Variants in SHROOM3 observed in about 807,000 individuals in gnomAD.
SHROOM3 encodes protein Shroom3.
Under a neutral mutation model 138.6 loss-of-function variants are expected in SHROOM3, and 47 were observed. The observed-to-expected ratio is 0.34, with a 90% CI of 0.27 to 0.43. The LOEUF is 0.43. Among genes scored for constraint, SHROOM3 ranks in the 20% least tolerant of loss-of-function variants. The pLI, the probability that SHROOM3 is intolerant of heterozygous loss-of-function variation, is 1.00. For missense variants in SHROOM3, 2,491 were observed against 2,596.5 expected (o/e 0.96, Z 0.88); for synonymous variants, 1,062 against 1,063.3 (o/e 1.00, Z 0.02).
intron 2 of SHROOM3, among the ~76,000 whole-genome samples, chr4:76,562,246 A>G (rs1436658610): frequency 1.3e-5 from 2 of 152,078 alleles, no homozygotes; most frequent in African/African-American, 4.8e-5. Context: ...CCTAACAAAA[A>G]TGGTGATGAA....
chr4:76,482,099 C>T (rs1365649469), intron 1 of SHROOM3, among the ~76,000 whole-genome samples: 3 of 152,140 alleles, frequency 2.0e-5, no homozygotes, highest in Non-Finnish European at 4.4e-5. Flanking sequence ...TGGCATAAGA[C>T]AAGGATACCC....
At chr4:76,590,732 T>G (rs73828174) in intron 2 of SHROOM3, among the ~76,000 whole-genome samples, 5,739 of 152,074 alleles carry the variant, frequency 0.038, 350 homozygotes, top group African/African-American at 0.13. Context: ...AAGTCTTTCT[T>G]TGGAAAAGAA....
intron 2 of SHROOM3, among the ~76,000 whole-genome samples, chr4:76,652,666 C>T (rs1276960069): frequency 6.6e-6 from 1 of 151,840 alleles, no homozygotes; most frequent in Non-Finnish European, 1.5e-5. Context: ...CCTTATGATC[C>T]CAGGGAGACC....
At chr4:76,467,006 T>A (rs1458072119) in intron 1 of SHROOM3, among the ~76,000 whole-genome samples, 2 of 151,708 alleles carry the variant, frequency 1.3e-5, no homozygotes, top group East Asian at 1.9e-4. Context: ...TGGATGCTTT[T>A]TATATATATT....
At position 76,779,325 on chromosome 4, in the gene SHROOM3, G is replaced by A. The variant is rs1030546901; in HGVS notation, c.*148G>A. The A allele has an allele frequency of 3.6e-5, 39 of 1,085,036 alleles. No homozygotes were observed. The African/African-American group carries it at 5.7e-4, about 16-fold the overall frequency. 67.2% of individuals were successfully genotyped at this position (1,085,036 alleles called of 1,614,324 possible). ...GGAAAAAAATTCTCTCCAGGAGGAA[G>A]CCTTTTTCCTTCTTGCCCTTCCTGA... On this transcript the variant is annotated 3_prime_UTR_variant, in exon 11 of 11. Transcript: ENST00000296043.
At chr4:76,437,683 T>G (rs1310812837) in intron 1 of SHROOM3, among the ~76,000 whole-genome samples, 1 of 152,216 alleles carries the variant, frequency 6.6e-6, no homozygotes, top group African/African-American at 2.4e-5. Context: ...CACAGGTTTC[T>G]ACAATAAGGA....
At chr4:76,575,777 G>T (rs1272781625) in intron 2 of SHROOM3, among the ~76,000 whole-genome samples, 1 of 152,030 alleles carries the variant, frequency 6.6e-6, no homozygotes, top group Non-Finnish European at 1.5e-5. Context: ...CTGATGAAAG[G>T]AGTTGAAGAA....
In SHROOM3 at chr4:76,754,604, G is replaced by A; in HGVS notation, c.4121G>A (p.Gly1374Glu). 1.2e-6 allele frequency: 2 copies of A among 1,614,122 alleles called. No individual in the cohort carries two copies. The highest frequency in any genetic ancestry group is 1.7e-6 in the Non-Finnish European group (2 of 1,180,016). The stretch of plus-strand genomic sequence containing the variant: ...TACTGCTCACAGGACGGTCAGACAG[G>A]GCGACAGCCTCTCCCGCCCTACACC... ...SGYCSQDGQT[G>E]RQPLPPYTPA... The change falls in exon 7 of 11, where the codon GGG becomes GAG. Residue 1374 changes from glycine to glutamate, a missense_variant. Gly to Glu is a moderately conservative substitution (Grantham distance 98). Coordinates refer to ENST00000296043, the MANE Select transcript of SHROOM3 (RefSeq NM_020859.4).
At chr4:76,498,992 G>A (rs35896951) in intron 1 of SHROOM3, among the ~76,000 whole-genome samples, 16,485 of 152,198 alleles carry the variant, frequency 0.11, 1,004 homozygotes, top group South Asian at 0.2. Flanking sequence ...GTCCCCAGCA[G>A]TAATCAGCAC....
At chr4:76,689,812 A>C in intron 2 of SHROOM3, 3 of 933,268 alleles carry the variant, frequency 3.2e-6, no homozygotes, top group Non-Finnish European at 3.8e-6. Flanking sequence ...CCCTGTCTGG[A>C]GGATGGCTCC....
At position 76,759,373 on chromosome 4, in the gene SHROOM3, A is replaced by G. The variant is rs17002200; in HGVS notation, c.5199-172A>G. 0.022 allele frequency among the ~76,000 whole-genome samples: 3,369 copies of G among 152,322 alleles called. 139 individuals are homozygous for G. Among genetic ancestry groups the G allele is most frequent in the African/African-American group, 0.076 (3,178 of 41,558 alleles). On this transcript the variant is annotated intron_variant, in intron 8 of 10. Coordinates refer to ENST00000296043, the MANE Select transcript of SHROOM3 (RefSeq NM_020859.4). ...TCCATCCCAAGTTTGCCTGGCTTCA[A>G]CAGCCCTGTACATAGTAATCACTCA...
chr4:76,469,319 T>G (rs1179970999), intron 1 of SHROOM3, among the ~76,000 whole-genome samples: 1 of 152,154 alleles, frequency 6.6e-6, no homozygotes, highest in Non-Finnish European at 1.5e-5. Context: ...TGTTGAGCAA[T>G]GTGGATGTTA....
At chr4:76,447,646 A>T (rs984851291) in intron 1 of SHROOM3, among the ~76,000 whole-genome samples, 1 of 152,196 alleles carries the variant, frequency 6.6e-6, no homozygotes, top group Non-Finnish European at 1.5e-5. Context: ...TTTATTTTTT[A>T]TATTTTTACT....
intron 1 of SHROOM3, among the ~76,000 whole-genome samples, chr4:76,471,718 A>T (rs1054976742): frequency 2.6e-5 from 4 of 152,258 alleles, no homozygotes; most frequent in Non-Finnish European, 5.9e-5. Context: ...ACAATAAAAA[A>T]AATGGGTTAC....
chr4:76,583,158 G>A (rs1480217555), intron 2 of SHROOM3, among the ~76,000 whole-genome samples: 1 of 152,188 alleles, frequency 6.6e-6, no homozygotes, highest in African/African-American at 2.4e-5. Flanking sequence ...GAGCAGCGTG[G>A]TGTGGATGGT....
At chr4:76,464,250 A>G (rs1383183796) in intron 1 of SHROOM3, among the ~76,000 whole-genome samples, 1 of 152,188 alleles carries the variant, frequency 6.6e-6, no homozygotes, top group Non-Finnish European at 1.5e-5. Context: ...CATGGAGTCA[A>G]AGGAGATTAT....
chr4:76,573,401 AT>A (rs1489347206), intron 2 of SHROOM3, among the ~76,000 whole-genome samples: 7 of 147,896 alleles, frequency 4.7e-5, no homozygotes, highest in African/African-American at 1.5e-4. Flanking sequence ...AATAATAATA[AT>A]AATAATAATA....
intron 1 of SHROOM3, among the ~76,000 whole-genome samples, chr4:76,457,235 G>T (rs1731045749): frequency 6.6e-6 from 1 of 152,134 alleles, no homozygotes; most frequent in Non-Finnish European, 1.5e-5. Flanking sequence ...GATTTCTCAT[G>T]AATGGTTTAG....
intron 1 of SHROOM3, among the ~76,000 whole-genome samples, chr4:76,538,924 A>C (rs1464940194): frequency 1.3e-5 from 2 of 152,098 alleles, no homozygotes; most frequent in African/African-American, 4.8e-5. Flanking sequence ...TTCCTTGATC[A>C]CTGTCATCAT....
Sources: gnomAD v4.1 joint callset for allele counts (sites outside exome capture counted in the v4.1 genomes callset) on GRCh38, gnomAD v4.1.1 for gene constraint, MANE v1.5 for transcripts, NCBI Gene and HGNC (gene_info 2026-07-23, HGNC 2026-07-21) for gene names.